ZFHX3: variants seen among roughly 807,000 people sequenced by gnomAD.
ZFHX3 encodes zinc finger homeobox 3, also known as zinc finger homeobox protein 3.
ZFHX3 carries 42 observed loss-of-function variants against 279.1 expected under a neutral mutation model. That is an observed-to-expected ratio of 0.15 (90% CI 0.12 to 0.19). The LOEUF is 0.19. Among genes scored for constraint, ZFHX3 ranks in the 10% least tolerant of loss-of-function variants. The pLI is 1.00. For missense variants in ZFHX3, 4,981 were observed against 4,754.0 expected, an observed-to-expected ratio of 1.05 and a Z score of -1.40; for synonymous variants, 2,293 against 1,957.8, an observed-to-expected ratio of 1.17 and a Z score of -4.52.
At position 73,663,785 on chromosome 16, in the gene ZFHX3, T is replaced by C. The variant is rs988860910; in HGVS notation, c.-1547+16395A>G. On this transcript the variant is annotated intron_variant, in intron 2 of 17. Coordinates refer to the ZFHX3 transcript ENST00000641206. ...GATATTAAAACAAAACCAAGATGGG[T>C]AGTGCTAAGAATCCACTATCTCTGA... Among the ~76,000 whole-genome samples, 12 of 152,262 alleles carry C rather than the reference T, an allele frequency of 7.9e-5. No homozygotes were observed. In the South Asian group the frequency reaches 1.0e-3, roughly 13 times the overall value.
chr16:73,816,348 T>C (rs549241178), intron 1 of ZFHX3, among the ~76,000 whole-genome samples: 12 of 152,288 alleles, frequency 7.9e-5, no homozygotes, highest in South Asian at 2.1e-4. Context: ...TGTATGTTCA[T>C]AGGAAAGTGA....
chr16:73,709,428 C>T (rs140120003), intron 1 of ZFHX3, among the ~76,000 whole-genome samples: 27 of 151,694 alleles, frequency 1.8e-4, no homozygotes, highest in East Asian at 3.9e-4. Context: ...TCTATATAGA[C>T]GACAGAACAC....
At chr16:73,008,184 A>G (rs1390182489) in intron 1 of ZFHX3, among the ~76,000 whole-genome samples, 1 of 151,950 alleles carries the variant, frequency 6.6e-6, no homozygotes, top group Non-Finnish European at 1.5e-5. Flanking sequence ...ATTTATTTTC[A>G]TTTTCTTTAA....
At chr16:73,260,194 T>G (rs1463219127) in intron 4 of ZFHX3, among the ~76,000 whole-genome samples, 1 of 152,196 alleles carries the variant, frequency 6.6e-6, no homozygotes, top group African/African-American at 2.4e-5. Flanking sequence ...AGATTCAGGG[T>G]ATGCATTTTT....
intron 1 of ZFHX3, among the ~76,000 whole-genome samples, chr16:73,885,047 C>T (rs1236741473): frequency 6.6e-6 from 1 of 152,022 alleles, no homozygotes; most frequent in South Asian, 2.1e-4. Context: ...CCTTTCTTTC[C>T]CCCCACCCAG....
Position 72,958,863 on chromosome 16 carries a change from G to C in ZFHX3, c.1283C>G (p.Thr428Ser). Residue 428 changes from threonine to serine, a missense_variant, in exon 2 of 10, where the codon ACC becomes AGC. Physicochemically the swap from Thr to Ser is moderately conservative, Grantham distance 58 (BLOSUM62 1). This residue lies in a region of ZFHX3 where 1,068 missense variants were observed against 935.2 expected (regional missense o/e 1.14). Transcript: ENST00000268489. ...AGAGTCCTTGCCCTCTGAGGATTTG[G>C]TAGGACTGGAAGCCAGAGGCCCCAG... is the stretch of plus-strand genomic sequence containing the variant. ...VPLGPLASSPTKSSEGKDSGA... is the reference protein window; with the variant it reads ...VPLGPLASSPSKSSEGKDSGA... 6.2e-7 allele frequency: 1 copy of C among 1,613,526 alleles called. No individual in the cohort carries two copies. The highest frequency in any genetic ancestry group is 1.1e-5 in the South Asian group (1 of 90,974).
chr16:73,010,196 G>A (rs1050693830), intron 1 of ZFHX3, among the ~76,000 whole-genome samples: 6 of 152,096 alleles, frequency 3.9e-5, no homozygotes, highest in Non-Finnish European at 8.8e-5. Context: ...CCCTGCTGGG[G>A]AGAAGCCACC....
At chr16:73,191,272 G>C (rs1234843109) in intron 5 of ZFHX3, among the ~76,000 whole-genome samples, 1 of 152,142 alleles carries the variant, frequency 6.6e-6, no homozygotes, top group Non-Finnish European at 1.5e-5. Context: ...TCTTGGCTCT[G>C]ATGTCTGTGT....
chr16:73,036,224 T>A (rs755429486), intron 1 of ZFHX3, among the ~76,000 whole-genome samples: 1 of 152,200 alleles, frequency 6.6e-6, no homozygotes, highest in Non-Finnish European at 1.5e-5. Context: ...GCCCCTTTCC[T>A]ATTAGAAAGT....
chr16:73,645,139 G>A (rs1201129845), intron 2 of ZFHX3, among the ~76,000 whole-genome samples: 1 of 152,194 alleles, frequency 6.6e-6, no homozygotes, highest in Non-Finnish European at 1.5e-5. Flanking sequence ...GAAAGCTGGT[G>A]AACAGAAAGG....
chr16:72,935,817 G>A (rs1960093175), intron 3 of ZFHX3, among the ~76,000 whole-genome samples: 1 of 152,030 alleles, frequency 6.6e-6, no homozygotes, highest in Admixed American at 6.6e-5. Flanking sequence ...CCAAGACCCT[G>A]GGAAGGCTAC....
At chr16:73,183,322 C>A (rs1401200597) in intron 5 of ZFHX3, among the ~76,000 whole-genome samples, 2 of 152,054 alleles carry the variant, frequency 1.3e-5, no homozygotes, top group Admixed American at 6.5e-5. Flanking sequence ...TGCATGTGTA[C>A]CCTCTAAATA....
At chr16:73,873,947 A>C (rs541122363) in intron 1 of ZFHX3, among the ~76,000 whole-genome samples, 94 of 152,230 alleles carry the variant, frequency 6.2e-4, no homozygotes, top group African/African-American at 2.0e-3. Flanking sequence ...TTTCAGACAC[A>C]ACAGTCAGGA....
In ZFHX3 at chr16:72,811,693, G is replaced by A. The variant is rs762050236; in HGVS notation, c.3748C>T (p.Pro1250Ser). The A allele has an allele frequency of 6.8e-6, 11 of 1,614,010 alleles. No individual in the cohort carries two copies. The highest frequency in any genetic ancestry group is 1.7e-4 in the Middle Eastern group (1 of 6,040). ...VHAMTQHSVQPMLRCPLCQDM... is the reference protein window; with the variant it reads ...VHAMTQHSVQSMLRCPLCQDM... The stretch of plus-strand genomic sequence containing the variant: ...TGGCACAGGGGGCAGCGAAGCATGG[G>A]TTGCACCGAGTGCTGCGTCATGGCA... The change falls in exon 7 of 10, where the codon CCC becomes TCC. Residue 1250 changes from proline to serine, a missense_variant. Pro to Ser is a moderately conservative substitution (Grantham distance 74). Transcript: ENST00000268489.
intron 2 of ZFHX3, among the ~76,000 whole-genome samples, chr16:73,549,836 C>T (rs552384714): frequency 2.7e-4 from 41 of 151,396 alleles, no homozygotes; most frequent in African/African-American, 9.5e-4. Flanking sequence ...TTTTCTGGAT[C>T]GGACGAGCGC....
chr16:73,109,967 G>A (rs569680857), intron 7 of ZFHX3, among the ~76,000 whole-genome samples: 49 of 152,250 alleles, frequency 3.2e-4, no homozygotes, highest in Non-Finnish European at 5.9e-4. Context: ...TGGGCGGGGC[G>A]CAGTGGCTCA....
chr16:73,479,003 G>A (rs891243853), intron 2 of ZFHX3, among the ~76,000 whole-genome samples: 1 of 152,136 alleles, frequency 6.6e-6, no homozygotes, highest in Non-Finnish European at 1.5e-5. Context: ...AGTGAGCCGA[G>A]ATCATGCCAC....
At chr16:73,838,360 T>C (rs550183335) in intron 1 of ZFHX3, among the ~76,000 whole-genome samples, 1 of 152,330 alleles carries the variant, frequency 6.6e-6, no homozygotes, top group East Asian at 1.9e-4. Flanking sequence ...TCATGTTTAA[T>C]GGATTCTAAT....
chr16:73,849,351 A>G (rs1030192931), intron 1 of ZFHX3, among the ~76,000 whole-genome samples: 11 of 152,188 alleles, frequency 7.2e-5, no homozygotes, highest in Non-Finnish European at 1.2e-4. Flanking sequence ...ACTTCATCTG[A>G]ACTCAGCCTT....
Sources: gnomAD v4.1 joint callset for allele counts (sites outside exome capture counted in the v4.1 genomes callset) on GRCh38, gnomAD v4.1.1 for gene constraint, gnomAD v4.1.1 regional missense constraint, MANE v1.5 for transcripts, NCBI Gene and HGNC (gene_info 2026-07-23, HGNC 2026-07-21) for gene names.